Variants in GMEB1 observed in about 807,000 individuals in gnomAD.
The protein encoded by GMEB1 is glucocorticoid modulatory element-binding protein 1.
Under a neutral mutation model 52.4 loss-of-function variants are expected in GMEB1, and 6 were observed. The observed-to-expected ratio is 0.11, with a 90% CI of 0.06 to 0.23. GMEB1 has a LOEUF of 0.23. Among genes scored for constraint, GMEB1 ranks in the 10% least tolerant of loss-of-function variants. GMEB1 has a pLI of 1.00. For synonymous variants in GMEB1, 255 were observed against 244.9 expected, an observed-to-expected ratio of 1.04 and a Z score of -0.38; for missense variants, 486 against 685.6, an observed-to-expected ratio of 0.71 and a Z score of 3.25.
intron 8 of GMEB1, 88 bp downstream of exon 8, chr1:28,704,417 G>A: frequency 1.0e-6 from 1 of 991,352 alleles, no homozygotes; most frequent in Non-Finnish European, 1.4e-6. Flanking sequence ...AAACCCTGAT[G>A]TATAGGTATT....
intron 7 of GMEB1, 44 bp from the exon 8 acceptor site, chr1:28,704,148 G>A (rs1284457539): frequency 1.9e-6 from 3 of 1,542,708 alleles, no homozygotes; most frequent in Admixed American, 1.9e-5. Flanking sequence ...AAGTATCTAG[G>A]TAGTGTCTCT....
At chr1:28,695,878 G>T in intron 5 of GMEB1, among the ~76,000 whole-genome samples, 1 of 123,712 alleles carries the variant, frequency 8.1e-6, no homozygotes, top group African/African-American at 3.1e-5. Flanking sequence ...GGCGGAGCTT[G>T]CAGTGAGCCG....
intron 8 of GMEB1, among the ~76,000 whole-genome samples, chr1:28,706,976 G>GTTTTTT (rs1553139500): frequency 9.9e-6 from 1 of 101,372 alleles, no homozygotes; most frequent in Non-Finnish European, 2.0e-5. Flanking sequence ...CTCCAGATTT[G>GTTTTTT]GTTTTTTTTT....
intron 1 of GMEB1, among the ~76,000 whole-genome samples, chr1:28,679,844 C>G (rs551582681): frequency 2.0e-5 from 3 of 150,936 alleles, no homozygotes; most frequent in Non-Finnish European, 4.4e-5. Context: ...TCTTGTTGTC[C>G]GGGCTGGAGT....
At chr1:28,694,518 G>GA (rs35909571) in intron 5 of GMEB1, among the ~76,000 whole-genome samples, 28 of 140,186 alleles carry the variant, frequency 2.0e-4, no homozygotes, top group African/African-American at 3.5e-4. Context: ...AAGAGCAATT[G>GA]AAAAAAAAAA....
chr1:28,690,039 T>G, intron 2 of GMEB1, 65 bp from the exon 3 acceptor site: 1 of 1,012,088 alleles, frequency 9.9e-7, no homozygotes, highest in Non-Finnish European at 1.5e-6. Context: ...CTTAACCCCA[T>G]GCTGTGAATA....
At chr1:28,684,592 A>G (rs1669552604) in intron 2 of GMEB1, among the ~76,000 whole-genome samples, 1 of 151,566 alleles carries the variant, frequency 6.6e-6, no homozygotes, top group Non-Finnish European at 1.5e-5. Flanking sequence ...TTCCAGGCCT[A>G]CATGGATGGA....
At position 28,690,166 on chromosome 1, in the gene GMEB1, A is replaced by T; in HGVS notation, c.191A>T (p.His64Leu). Reference protein sequence around the residue: ...AVVAVETHTIHKIEEGIDTGT... With the variant: ...AVVAVETHTILKIEEGIDTGT... ...GTAGCAGTAGAAACTCACACGATAC[A>T]CAAAATTGAAGAAGGGATTGGTAAG... Residue 64 changes from histidine to leucine, a missense_variant, in exon 3 of 10, where the codon CAC (histidine) becomes CTC (leucine). His to Leu is a moderately conservative substitution (Grantham distance 99). Transcript: ENST00000373816. The T allele has an allele frequency of 6.4e-7, 1 of 1,552,334 alleles. No individual in the cohort carries two copies. The highest frequency in any genetic ancestry group is 8.8e-7 in the Non-Finnish European group (1 of 1,134,880).
Position 28,690,177 on chromosome 1 carries a change from GA to G in GMEB1, c.204del (p.Ile70LeufsTer6). The G allele has an allele frequency of 7.6e-7, 1 of 1,322,268 alleles. No individual in the cohort carries two copies. The highest frequency in any genetic ancestry group is 1.1e-6 in the Non-Finnish European group (1 of 935,384). 81.9% of individuals were successfully genotyped at this position (1,322,268 alleles called of 1,614,324 possible). A position where few individuals can be genotyped will look rare whatever the true frequency, so the allele number is the denominator to read the frequency against. On this transcript the variant is annotated frameshift_variant, in exon 3 of 10. Transcript: ENST00000373816. LOFTEE classifies it high-confidence loss of function. ...AACTCACACGATACACAAAATTGAAGAAGGGATTGGTAAGGGTTTTTTTGTG... is the reference window on the plus strand; with the variant it reads ...AACTCACACGATACACAAAATTGAAGAGGGATTGGTAAGGGTTTTTTTGTG... ...VETHTIHKIE[E>X]GIDTGTIEAN...
At chr1:28,707,684 T>C (rs1670846043) in intron 8 of GMEB1, among the ~76,000 whole-genome samples, 2 of 152,116 alleles carry the variant, frequency 1.3e-5, no homozygotes, top group Non-Finnish European at 2.9e-5. Context: ...ACCTCTTAAA[T>C]TGAGATGACT....
At chr1:28,674,976 C>T (rs1028821076) in intron 1 of GMEB1, among the ~76,000 whole-genome samples, 10 of 146,180 alleles carry the variant, frequency 6.8e-5, no homozygotes, top group African/African-American at 2.5e-4. Context: ...GCCTCGGCCT[C>T]CCAAAGTGCT....
At chr1:28,697,499 T>C (rs979740923) in intron 6 of GMEB1, among the ~76,000 whole-genome samples, 1 of 151,296 alleles carries the variant, frequency 6.6e-6, no homozygotes, top group African/African-American at 2.4e-5. Context: ...TGAGCCACCA[T>C]GCCTGTCCCC....
chr1:28,683,372 C>T (rs942822156), intron 1 of GMEB1, among the ~76,000 whole-genome samples: 3 of 152,090 alleles, frequency 2.0e-5, no homozygotes, highest in Non-Finnish European at 2.9e-5. Flanking sequence ...ATTACAGATA[C>T]GCTCCACCAC....
In GMEB1 at chr1:28,693,084, T is replaced by C. The variant is rs751288921; in HGVS notation, c.440+39T>C. The C allele has an allele frequency of 3.0e-6, 3 of 993,988 alleles. No individual in the cohort carries two copies. The South Asian group carries it at 4.9e-5, about 16-fold the overall frequency. 61.6% of individuals were successfully genotyped at this position (993,988 alleles called of 1,614,324 possible). A position where few individuals can be genotyped will look rare whatever the true frequency, so the allele number is the denominator to read the frequency against. ...TCAAGCACATACCTTTCAACAAACT[T>C]TGGGGCACATAATCATGCTAGAATC... On this transcript the variant is annotated intron_variant, in intron 5 of 9. Coordinates refer to ENST00000373816, the MANE Select transcript of GMEB1 (RefSeq NM_001319674.2).
chr1:28,696,629 C>T (rs1423516607), intron 5 of GMEB1, among the ~76,000 whole-genome samples: 1 of 151,868 alleles, frequency 6.6e-6, no homozygotes, highest in Non-Finnish European at 1.5e-5. Context: ...TTCTGTATTC[C>T]TAGGAGAGTT....
intron 9 of GMEB1, among the ~76,000 whole-genome samples, chr1:28,712,424 G>C (rs889688998): frequency 2.0e-5 from 3 of 152,158 alleles, no homozygotes; most frequent in African/African-American, 7.2e-5. Context: ...CGGGGGGAGG[G>C]CTGAAAGTCC....
At chr1:28,695,762 C>A (rs1228604482) in intron 5 of GMEB1, among the ~76,000 whole-genome samples, 1 of 144,538 alleles carries the variant, frequency 6.9e-6, no homozygotes, top group Non-Finnish European at 1.5e-5. Flanking sequence ...AACGGTGAAA[C>A]CCCGTCTCTA....
intron 1 of GMEB1, among the ~76,000 whole-genome samples, chr1:28,670,719 C>T (rs11584018): frequency 0.38 from 56,962 of 151,890 alleles, 12,337 homozygotes; most frequent in East Asian, 0.77. Flanking sequence ...GTGATTCGCC[C>T]GCGTTGGCCT....
At chr1:28,686,458 G>A (rs764911527) in intron 2 of GMEB1, among the ~76,000 whole-genome samples, 3 of 151,774 alleles carry the variant, frequency 2.0e-5, no homozygotes, top group East Asian at 1.9e-4. Context: ...GTGAAACCCC[G>A]TCTCTACTAA....
Sources: allele counts gnomAD v4.1 joint callset (sites outside exome capture counted in the v4.1 genomes callset), GRCh38; gene constraint gnomAD v4.1.1; transcripts MANE v1.5; gene names NCBI Gene and HGNC (gene_info 2026-07-23, HGNC 2026-07-21).